SHLD2: variants seen among roughly 807,000 people sequenced by gnomAD.
SHLD2 encodes RINN1-REV7-interacting novel NHEJ regulator 2.
Under a neutral mutation model 73.2 loss-of-function variants are expected in SHLD2, and 30 were observed. That is an observed-to-expected ratio of 0.41 (90% CI 0.31 to 0.56). The LOEUF is 0.56. Ranked by LOEUF, SHLD2 falls within the 20% of genes least tolerant of loss-of-function variation. The pLI, the probability that SHLD2 is intolerant of heterozygous loss-of-function variation, is 0.28. For synonymous variants in SHLD2, 285 were observed against 370.1 expected (o/e 0.77, Z 2.64); for missense variants, 745 against 1,055.9 (o/e 0.71, Z 4.08).
intron 4 of SHLD2, 100 bp downstream of exon 4, chr10:87,158,255 T>A: frequency 1.6e-6 from 2 of 1,250,390 alleles, no homozygotes; most frequent in Non-Finnish European, 2.2e-6. Context: ...AAATGTTTTC[T>A]AAACAGTTGG....
rs773810061 is a variant in SHLD2 at position 87,152,050 on chromosome 10, A to G, written c.696A>G (p.Ser232=). Residue 232 remains serine (S), a synonymous_variant, in exon 3 of 10, where the codon TCA becomes TCG. Transcript: ENST00000298786. The part of the protein sequence containing the change: ...SRSEAAVRKV[S]DLKISTDTEF... ...CTGAAGCAGCAGTTAGGAAGGTCTC[A>G]GACCTTAAAATATCAACTGATACAG... is the stretch of plus-strand genomic sequence containing the variant. 5.0e-6 allele frequency: 8 copies of G among 1,611,930 alleles called. 1 individual carries two copies. In the South Asian group the frequency reaches 7.7e-5, roughly 16 times the overall value.
chr10:87,146,338 G>A (rs1219134146), intron 2 of SHLD2, among the ~76,000 whole-genome samples: 1 of 151,920 alleles, frequency 6.6e-6, no homozygotes, highest in Non-Finnish European at 1.5e-5. Context: ...CTGTTGTCCA[G>A]GCTGGAGTGC....
At chr10:87,107,651 A>G (rs964119924) in intron 2 of SHLD2, among the ~76,000 whole-genome samples, 1 of 152,182 alleles carries the variant, frequency 6.6e-6, no homozygotes, top group African/African-American at 2.4e-5. Context: ...TTAGGAATGG[A>G]CAGAAATCCA....
At chr10:87,110,110 G>C (rs1005530342) in intron 2 of SHLD2, among the ~76,000 whole-genome samples, 5 of 151,130 alleles carry the variant, frequency 3.3e-5, no homozygotes, top group African/African-American at 9.7e-5. Context: ...GCAACATAGT[G>C]AGACCCTGTC....
At chr10:87,142,510 GGAAGAA>G (rs1384327904) in intron 2 of SHLD2, among the ~76,000 whole-genome samples, 2 of 152,226 alleles carry the variant, frequency 1.3e-5, no homozygotes, top group African/African-American at 4.8e-5. Context: ...GGATGGTGGT[GGAAGAA>G]GGATGGTGAT....
At chr10:87,100,763 C>T (rs2133932023) in intron 2 of SHLD2, among the ~76,000 whole-genome samples, 1 of 152,300 alleles carries the variant, frequency 6.6e-6, no homozygotes, top group Admixed American at 6.5e-5. Flanking sequence ...CAGGCATGAG[C>T]CACTGTGCCA....
In SHLD2 at chr10:87,155,034, A is replaced by G. The variant is rs535490384; in HGVS notation, c.1525+2155A>G. ...ACTGCAAGCTCCGCCTCCCGGGTTC[A>G]CGCCATTTTCCTGCCTCAGCCTCCT... On this transcript the variant is annotated intron_variant, in intron 3 of 9. Transcript: ENST00000298786. 2.0e-3 allele frequency among the ~76,000 whole-genome samples: 309 copies of G among 152,274 alleles called. 2 individuals are homozygous for G. The highest frequency in any genetic ancestry group is 5.1e-3 in the Admixed American group (78 of 15,296).
chr10:87,117,605 G>A (rs1212559468), intron 2 of SHLD2, among the ~76,000 whole-genome samples: 2 of 152,126 alleles, frequency 1.3e-5, no homozygotes, highest in Admixed American at 1.3e-4. Flanking sequence ...ACCAGCCTGG[G>A]CAACATGGCA....
intron 2 of SHLD2, among the ~76,000 whole-genome samples, chr10:87,125,962 G>C (rs923330615): frequency 2.6e-5 from 4 of 151,994 alleles, no homozygotes; most frequent in Non-Finnish European, 5.9e-5. Flanking sequence ...AGTAATTTTT[G>C]CAATTTTTTT....
chr10:87,151,048 C>T (rs1845976579), intron 2 of SHLD2, among the ~76,000 whole-genome samples: 1 of 152,126 alleles, frequency 6.6e-6, no homozygotes, highest in African/African-American at 2.4e-5. Context: ...TGGTCTCAAT[C>T]TCCTGACCTC....
intron 2 of SHLD2, among the ~76,000 whole-genome samples, chr10:87,134,101 G>T (rs1270256422): frequency 6.6e-6 from 1 of 152,184 alleles, no homozygotes; most frequent in Admixed American, 6.5e-5. Flanking sequence ...TTGAAAAGAT[G>T]ACTTTTGAGC....
At chr10:87,129,161 G>T (rs1192457429) in intron 2 of SHLD2, among the ~76,000 whole-genome samples, 1 of 152,146 alleles carries the variant, frequency 6.6e-6, no homozygotes, top group Non-Finnish European at 1.5e-5. Flanking sequence ...TGCGATCTCG[G>T]TTCACTGCAA....
At position 87,096,931 on chromosome 10, in the gene SHLD2, CA is replaced by C. The variant is rs1274791704; in HGVS notation, c.-61-2del. The C allele has an allele frequency of 5.9e-5, 9 of 152,222 alleles. No individual in the cohort carries two copies. Among genetic ancestry groups the C allele is most frequent in the Admixed American group, 5.2e-4 (8 of 15,292 alleles). 9.4% of individuals were successfully genotyped at this position (152,222 alleles called of 1,614,324 possible). On this transcript the variant is annotated splice_acceptor_variant, in intron 1 of 9. Transcript: ENST00000298786. LOFTEE classifies it low-confidence loss of function (5UTR_SPLICE). The stretch of plus-strand genomic sequence containing the variant: ...TTAATTGTATTTGCACTGTGTTTTT[CA>C]GTGAAAAATGTACTCTGACCTGAAT...
At chr10:87,133,067 C>G (rs1418903058) in intron 2 of SHLD2, among the ~76,000 whole-genome samples, 1 of 152,070 alleles carries the variant, frequency 6.6e-6, no homozygotes, top group Admixed American at 6.6e-5. Flanking sequence ...AATGATGAAG[C>G]TGAGATTAAC....
At chr10:87,130,646 G>A (rs1312664878) in intron 2 of SHLD2, among the ~76,000 whole-genome samples, 1 of 152,170 alleles carries the variant, frequency 6.6e-6, no homozygotes, top group Non-Finnish European at 1.5e-5. Context: ...ACCAGTTCCT[G>A]AGCCTTTTGA....
At chr10:87,164,255 G>A (rs1847036115) in intron 4 of SHLD2, among the ~76,000 whole-genome samples, 1 of 151,810 alleles carries the variant, frequency 6.6e-6, no homozygotes, top group Non-Finnish European at 1.5e-5. Context: ...ACTGTGCCTG[G>A]CCTCTCTTTT....
intron 4 of SHLD2, among the ~76,000 whole-genome samples, chr10:87,168,493 G>A (rs2134536923): frequency 6.6e-6 from 1 of 151,190 alleles, no homozygotes; most frequent in Admixed American, 6.6e-5. Flanking sequence ...CAGCTATTTG[G>A]GAGGCTGAAG....
At chr10:87,156,502 C>G (rs1302362850) in intron 3 of SHLD2, among the ~76,000 whole-genome samples, 1 of 152,064 alleles carries the variant, frequency 6.6e-6, no homozygotes, top group Admixed American at 6.5e-5. Context: ...AGACTACTGA[C>G]TAGAATTAGA....
chr10:87,113,606 GGT>G (rs1168975937), intron 2 of SHLD2, among the ~76,000 whole-genome samples: 2 of 152,130 alleles, frequency 1.3e-5, no homozygotes, highest in African/African-American at 4.8e-5. Flanking sequence ...GTTCTTTTTA[GGT>G]GATAGAAATG....
Sources: allele counts gnomAD v4.1 joint callset (sites outside exome capture counted in the v4.1 genomes callset), GRCh38; gene constraint gnomAD v4.1.1; transcripts MANE v1.5; gene names NCBI Gene and HGNC (gene_info 2026-07-23, HGNC 2026-07-21).